Variants in XKR6 observed in about 807,000 individuals in gnomAD.
XKR6 encodes XK-related protein 6.
A neutral mutation model predicts 56.7 loss-of-function variants in XKR6; 22 were observed. The ratio of observed to expected loss-of-function variants is 0.39; its 90% CI spans 0.28 to 0.55. The LOEUF (loss-of-function observed/expected upper bound fraction) is 0.55. XKR6 is among the 20% of genes least tolerant of loss of function. The pLI, the probability that XKR6 is intolerant of heterozygous loss-of-function variation, is 0.66. For synonymous variants in XKR6, 524 were observed against 387.8 expected, an observed-to-expected ratio of 1.35 and a Z score of -4.13; for missense variants, 852 against 889.0, an observed-to-expected ratio of 0.96 and a Z score of 0.53.
At chr8:10,995,208 T>A (rs1156330083) in intron 1 of XKR6, among the ~76,000 whole-genome samples, 1 of 152,018 alleles carries the variant, frequency 6.6e-6, no homozygotes, top group Non-Finnish European at 1.5e-5. Flanking sequence ...AAAATCCATT[T>A]GTGAGCTGTT....
intron 1 of XKR6, among the ~76,000 whole-genome samples, chr8:11,181,849 C>A (rs753082905): frequency 3.9e-5 from 6 of 152,084 alleles, no homozygotes; most frequent in Non-Finnish European, 8.8e-5. Context: ...CAAAGCTGTT[C>A]CTGATTTTTT....
chr8:11,184,111 T>C (rs550945992), intron 1 of XKR6, among the ~76,000 whole-genome samples: 4 of 152,324 alleles, frequency 2.6e-5, no homozygotes, highest in Non-Finnish European at 4.4e-5. Context: ...AGTGTATATT[T>C]GACCTCTACC....
At chr8:11,197,622 T>A (rs562765765) in intron 1 of XKR6, among the ~76,000 whole-genome samples, 8 of 152,216 alleles carry the variant, frequency 5.3e-5, no homozygotes, top group African/African-American at 1.2e-4. Context: ...TTAGTGGGAG[T>A]AAGGCATGCA....
At chr8:11,144,355 G>T (rs1296645198) in intron 1 of XKR6, among the ~76,000 whole-genome samples, 3 of 150,668 alleles carry the variant, frequency 2.0e-5, no homozygotes, top group Non-Finnish European at 4.4e-5. Flanking sequence ...ACAGAAGTGA[G>T]AAGTGATGAT....
chr8:11,189,686 G>GT (rs1370268189), intron 1 of XKR6, among the ~76,000 whole-genome samples: 1 of 152,156 alleles, frequency 6.6e-6, no homozygotes, highest in Non-Finnish European at 1.5e-5. Flanking sequence ...AAATCAGCCT[G>GT]TACAACTATG....
intron 1 of XKR6, among the ~76,000 whole-genome samples, chr8:10,940,859 T>G (rs942270807): frequency 6.6e-6 from 1 of 152,136 alleles, no homozygotes; most frequent in African/African-American, 2.4e-5. Context: ...ACCCACTGAT[T>G]CTTTCCACCA....
chr8:10,972,362 G>T (rs1403936692), intron 1 of XKR6, among the ~76,000 whole-genome samples: 1 of 152,218 alleles, frequency 6.6e-6, no homozygotes, highest in Non-Finnish European at 1.5e-5. Context: ...GATTCAAAAT[G>T]GAAAGGACAG....
intron 1 of XKR6, among the ~76,000 whole-genome samples, chr8:11,043,480 C>T (rs1047461724): frequency 3.9e-5 from 6 of 152,352 alleles, no homozygotes; most frequent in East Asian, 1.9e-4. Flanking sequence ...CCCTCCTTCA[C>T]GTTTGACCTT....
chr8:10,985,940 T>C (rs903976701), intron 1 of XKR6, among the ~76,000 whole-genome samples: 2 of 152,218 alleles, frequency 1.3e-5, no homozygotes, highest in Non-Finnish European at 2.9e-5. Flanking sequence ...TAAGCTGATT[T>C]TCAAATTCAC....
intron 2 of XKR6, among the ~76,000 whole-genome samples, chr8:10,913,371 G>A (rs959286300): frequency 6.6e-6 from 1 of 152,034 alleles, no homozygotes; most frequent in Non-Finnish European, 1.5e-5. Flanking sequence ...TTTATAAGGT[G>A]AAAATGAGGC....
At chr8:11,059,662 G>A (rs1411642667) in intron 1 of XKR6, among the ~76,000 whole-genome samples, 2 of 131,888 alleles carry the variant, frequency 1.5e-5, no homozygotes, top group Non-Finnish European at 3.0e-5. Context: ...CGGGGGGCGC[G>A]GGGCGGGACA....
chr8:11,061,932 C>A (rs1799845814), intron 1 of XKR6, among the ~76,000 whole-genome samples: 1 of 152,184 alleles, frequency 6.6e-6, no homozygotes, highest in Non-Finnish European at 1.5e-5. Flanking sequence ...AGCTTCCCTG[C>A]CTGTGTCCCT....
chr8:11,109,070 G>A (rs1798792754), intron 1 of XKR6: 1 of 152,252 alleles, frequency 6.6e-6, no homozygotes, highest in South Asian at 2.1e-4. Flanking sequence ...GGGCTATGAA[G>A]TGCAGTGACC....
At chr8:11,191,903 G>A (rs528577678) in intron 1 of XKR6, among the ~76,000 whole-genome samples, 7 of 152,214 alleles carry the variant, frequency 4.6e-5, no homozygotes, top group Admixed American at 2.0e-4. Context: ...AATTTTCTTA[G>A]GTGCAATAAT....
intron 2 of XKR6, among the ~76,000 whole-genome samples, chr8:10,902,843 A>C (rs1232756471): frequency 2.0e-5 from 3 of 152,154 alleles, no homozygotes; most frequent in Non-Finnish European, 2.9e-5. Flanking sequence ...ATGATCCTGC[A>C]AGGAGGGGAC....
intron 1 of XKR6, among the ~76,000 whole-genome samples, chr8:11,055,060 G>T (rs1258807022): frequency 1.3e-5 from 2 of 152,160 alleles, no homozygotes; most frequent in Non-Finnish European, 2.9e-5. Flanking sequence ...GTGGGAGGAG[G>T]TATTAAATAA....
At chr8:11,035,833 T>C (rs1265204113) in intron 1 of XKR6, among the ~76,000 whole-genome samples, 1 of 152,088 alleles carries the variant, frequency 6.6e-6, no homozygotes, top group Admixed American at 6.6e-5. Context: ...AGGTCTGATT[T>C]TTTTCCCTGA....
chr8:11,096,992 G>C (rs1412882081), intron 1 of XKR6, among the ~76,000 whole-genome samples: 1 of 152,160 alleles, frequency 6.6e-6, no homozygotes, highest in Non-Finnish European at 1.5e-5. Flanking sequence ...GATGAGAACG[G>C]TGTGCTCCAT....
intron 1 of XKR6, among the ~76,000 whole-genome samples, chr8:11,198,509 A>G (rs1399670410): frequency 3.0e-5 from 4 of 134,928 alleles, no homozygotes; most frequent in African/African-American, 1.1e-4. Context: ...GAGGAAAGTT[A>G]AGATCAGAAA....
Sources: gnomAD v4.1 joint callset for allele counts (sites outside exome capture counted in the v4.1 genomes callset) on GRCh38, gnomAD v4.1.1 for gene constraint, MANE v1.5 for transcripts, NCBI Gene and HGNC (gene_info 2026-07-23, HGNC 2026-07-21) for gene names.